PCDHGA12: variants seen among roughly 807,000 people sequenced by gnomAD.
The protein encoded by PCDHGA12 is protocadherin gamma subfamily A, 12.
A neutral mutation model predicts 61.1 loss-of-function variants in PCDHGA12; 43 were observed. The ratio of observed to expected loss-of-function variants is 0.70; its 90% CI spans 0.55 to 0.91. The LOEUF (loss-of-function observed/expected upper bound fraction) is 0.91. Among genes scored for constraint, PCDHGA12 ranks in the 40% least tolerant of loss-of-function variants. The probability of loss-of-function intolerance (pLI) is 0.00; values close to 1 mark genes in which losing one functional copy is unlikely to be tolerated. For synonymous variants in PCDHGA12, 520 were observed against 542.9 expected (o/e 0.96, Z 0.59); for missense variants, 1,236 against 1,227.7 (o/e 1.01, Z -0.10).
At position 141,485,222 on chromosome 5, in the gene PCDHGA12, C is replaced by T; in HGVS notation, c.2425-9585C>T. On this transcript the variant is annotated intron_variant, in intron 1 of 3. Transcript: ENST00000252085. The surrounding 1 kb of genome is among the most constrained non-coding windows in gnomAD (Gnocchi z 5.7). The stretch of plus-strand genomic sequence containing the variant: ...GACAGAAATCTGGCGGTGGGCTACC[C>T]TTTTGTTCCTCTTTTACCACCTGGG... 4 of 1,614,196 alleles carry T rather than the reference C, an allele frequency of 2.5e-6. No homozygotes were observed. Among genetic ancestry groups the T allele is most frequent in the Non-Finnish European group, 2.5e-6 (3 of 1,180,020 alleles).
intron 3 of PCDHGA12, among the ~76,000 whole-genome samples, chr5:141,509,336 GC>G (rs2099876304): frequency 6.6e-6 from 1 of 152,178 alleles, no homozygotes; most frequent in Non-Finnish European, 1.5e-5. Context: ...TGCCAGCTGG[GC>G]CTGGGCTGGC....
chr5:141,457,680 G>A lies in PCDHGA12; in HGVS notation c.2424+24497G>A, dbSNP rs866876250. 2.6e-5 allele frequency among the ~76,000 whole-genome samples: 4 copies of A among 152,290 alleles called. No individual in the cohort carries two copies. The South Asian group carries it at 8.3e-4, about 32-fold the overall frequency. On this transcript the variant is annotated intron_variant, in intron 1 of 3. Coordinates refer to ENST00000252085, the MANE Select transcript of PCDHGA12 (RefSeq NM_003735.3). The stretch of plus-strand genomic sequence containing the variant: ...AGCAAGAATGGTTATTTCTACATAG[G>A]ACTTTTGGATTGGCTTTGATGAAAC...
In PCDHGA12 at chr5:141,433,051, G is replaced by A. The variant is rs754102028; in HGVS notation, c.2292G>A (p.Arg764=). The A allele has an allele frequency of 1.8e-5, 29 of 1,614,066 alleles. No homozygotes were observed. In the East Asian group the frequency reaches 2.5e-4, roughly 14 times the overall value. The change falls in exon 1 of 4, where the codon CGG becomes CGA. Residue 764 remains arginine (R), a synonymous_variant. Transcript: ENST00000252085. ...AGGTTTCCCTCACCACGGACTCGCG[G>A]AAGAGTCACCTGATCTTCCCCCAGC... ...SHEVSLTTDS[R]KSHLIFPQPN...
At position 141,477,160 on chromosome 5, in the gene PCDHGA12, C is replaced by G. The variant is rs768436526; in HGVS notation, c.2425-17647C>G. 2 of 1,614,186 alleles carry G rather than the reference C, an allele frequency of 1.2e-6. No homozygotes were observed. Among genetic ancestry groups the G allele is most frequent in the Admixed American group, 1.7e-5 (1 of 60,020 alleles). On this transcript the variant is annotated intron_variant, in intron 1 of 3. Transcript: ENST00000252085. The surrounding 1 kb of genome is among the most constrained non-coding windows in gnomAD (Gnocchi z 4.9). ...TGGAGGTTGTGGATGTGAATGACAA[C>G]GCCCCGGAGATCACAGTCACCTCCG...
chr5:141,431,460 A>C lies in PCDHGA12; in HGVS notation c.701A>C (p.Asp234Ala), dbSNP rs761879594. The change falls in exon 1 of 4, where the codon GAT becomes GCT. Residue 234 changes from aspartate to alanine, a missense_variant. Physicochemically the swap from Asp to Ala is moderately radical, Grantham distance 126. Coordinates refer to ENST00000252085, the MANE Select transcript of PCDHGA12 (RefSeq NM_003735.3). This position sits in a 1 kb window ranked among gnomAD's most constrained non-coding sequence, Gnocchi z 4.8. ...GCGCGCATCCGCGTGATGGTTCTGGATGCGAACGACAACGCACCAGCGTTT... is the reference window on the plus strand; with the variant it reads ...GCGCGCATCCGCGTGATGGTTCTGGCTGCGAACGACAACGCACCAGCGTTT... Reference protein sequence around the residue: ...GTARIRVMVLDANDNAPAFAQ... With the variant: ...GTARIRVMVLAANDNAPAFAQ... 8.1e-6 allele frequency: 13 copies of C among 1,613,676 alleles called. No individual in the cohort carries two copies. The highest frequency in any genetic ancestry group is 1.1e-5 in the Non-Finnish European group (13 of 1,179,984).
rs1449605701 is a variant in PCDHGA12 at position 141,485,191 on chromosome 5, A to C, written c.2425-9616A>C. ...CGGCAGCAATGCTCCGCAAGGTGAG[A>C]AGCTGGACAGAAATCTGGCGGTGGG... is the stretch of plus-strand genomic sequence containing the variant. On this transcript the variant is annotated intron_variant, in intron 1 of 3. Coordinates refer to ENST00000252085, the MANE Select transcript of PCDHGA12 (RefSeq NM_003735.3). This position sits in a 1 kb window ranked among gnomAD's most constrained non-coding sequence, Gnocchi z 5.7. The C allele has an allele frequency of 6.2e-7, 1 of 1,613,836 alleles. No individual in the cohort carries two copies. The highest frequency in any genetic ancestry group is 1.3e-5 in the African/African-American group (1 of 75,042).
Position 141,431,344 on chromosome 5 carries a change from G to T in PCDHGA12, c.585G>T (p.Val195=). The change falls in exon 1 of 4, where the codon GTG becomes GTT. Residue 195 remains valine, a synonymous_variant. Coordinates refer to ENST00000252085, the MANE Select transcript of PCDHGA12 (RefSeq NM_003735.3). This position sits in a 1 kb window ranked among gnomAD's most constrained non-coding sequence, Gnocchi z 4.8. ...ACGGTAGTAAGTACCCCGAATTGGT[G>T]CTGAAACGCGCCCTGGACCGCGAAG... ...GADGSKYPEL[V]LKRALDREEK... is the part of the protein sequence containing the mutation. 1 of 1,614,078 alleles carries T rather than the reference G, an allele frequency of 6.2e-7. No individual in the cohort carries two copies. The highest frequency in any genetic ancestry group is 1.3e-5 in the African/African-American group (1 of 75,068).
chr5:141,488,548 T>C (rs112676623), intron 1 of PCDHGA12, among the ~76,000 whole-genome samples: 2 of 152,318 alleles, frequency 1.3e-5, no homozygotes, highest in African/African-American at 4.8e-5. Flanking sequence ...CCATGTCAGC[T>C]GACATTGAGA....
At position 141,431,213 on chromosome 5, in the gene PCDHGA12, T is replaced by A; in HGVS notation, c.454T>A (p.Phe152Ile). 6.2e-7 allele frequency: 1 copy of A among 1,614,142 alleles called. No individual in the cohort carries two copies. The highest frequency in any genetic ancestry group is 8.5e-7 in the Non-Finnish European group (1 of 1,180,038). Residue 152 changes from phenylalanine to isoleucine, a missense_variant, in exon 1 of 4, where the codon TTC becomes ATC. Coordinates refer to ENST00000252085, the MANE Select transcript of PCDHGA12 (RefSeq NM_003735.3). The surrounding 1 kb of genome is among the most constrained non-coding windows in gnomAD (Gnocchi z 4.8). ...TGAAAATGCAGCCACTGAGATGCGG[T>A]TCCCTCTACCCCACGCCTGGGATCC... ...ISENAATEMRFPLPHAWDPDI... is the reference protein window; with the variant it reads ...ISENAATEMRIPLPHAWDPDI...
chr5:141,486,843 A>G lies in PCDHGA12; in HGVS notation c.2425-7964A>G, dbSNP rs1455684942. On this transcript the variant is annotated intron_variant, in intron 1 of 3. Coordinates refer to ENST00000252085, the MANE Select transcript of PCDHGA12 (RefSeq NM_003735.3). The surrounding 1 kb of genome is among the most constrained non-coding windows in gnomAD (Gnocchi z 5.0). ...GTAACAGTTCGTCTATTTGTGCTGG[A>G]CCTCAATGACAATGCTCCAGCTGTG... 6.2e-7 allele frequency: 1 copy of G among 1,614,214 alleles called. No homozygotes were observed. Among genetic ancestry groups the G allele is most frequent in the Admixed American group, 1.7e-5 (1 of 60,034 alleles).
chr5:141,433,812 G>A (rs535623556), intron 1 of PCDHGA12, among the ~76,000 whole-genome samples: 46 of 150,530 alleles, frequency 3.1e-4, no homozygotes, highest in African/African-American at 1.1e-3. Context: ...ACTCCAGCCT[G>A]GGCAACAAGA....
At chr5:141,483,323 G>A (rs2099579999) in intron 1 of PCDHGA12, among the ~76,000 whole-genome samples, 1 of 152,104 alleles carries the variant, frequency 6.6e-6, no homozygotes, top group Non-Finnish European at 1.5e-5. Flanking sequence ...GGGACTGGAG[G>A]CAAAGAGATC....
At chr5:141,500,252 A>G (rs2099798400) in intron 2 of PCDHGA12, among the ~76,000 whole-genome samples, 1 of 151,094 alleles carries the variant, frequency 6.6e-6, no homozygotes, top group East Asian at 1.9e-4. Flanking sequence ...TCTGTCACCC[A>G]GGCTGGACTG....
intron 1 of PCDHGA12, among the ~76,000 whole-genome samples, chr5:141,469,162 G>A (rs2099192596): frequency 6.6e-6 from 1 of 152,062 alleles, no homozygotes; most frequent in Admixed American, 6.6e-5. Flanking sequence ...TGTAGTCCCA[G>A]CTACTTGGGA....
Position 141,432,849 on chromosome 5 carries a change from T to G in PCDHGA12, c.2090T>G (p.Val697Gly). The G allele has an allele frequency of 1.2e-6, 2 of 1,614,194 alleles. No homozygotes were observed. The highest frequency in any genetic ancestry group is 2.2e-5 in the South Asian group (2 of 91,092). ...CTCACTCTGTACCTGGTGGTAGCGG[T>G]GGCCGCGGTCTCCTGCGTCTTCCTG... The part of the protein sequence containing the change: ...SDLTLYLVVA[V>G]AAVSCVFLAF... The change falls in exon 1 of 4, where the codon GTG becomes GGG. Residue 697 changes from valine to glycine, a missense_variant. Coordinates refer to ENST00000252085, the MANE Select transcript of PCDHGA12 (RefSeq NM_003735.3). This position sits in a 1 kb window ranked among gnomAD's most constrained non-coding sequence, Gnocchi z 6.0.
chr5:141,485,826 G>A lies in PCDHGA12; in HGVS notation c.2425-8981G>A. The A allele has an allele frequency of 6.2e-7, 1 of 1,614,070 alleles. No individual in the cohort carries two copies. Among genetic ancestry groups the A allele is most frequent in the South Asian group, 1.1e-5 (1 of 91,078 alleles). Reference sequence around the variant, plus strand: ...CTGGTGCTGACTGCTGTCGATGGAGGGAACCCGCCGAGATCTGGCACCGCA... The same window carrying A: ...CTGGTGCTGACTGCTGTCGATGGAGAGAACCCGCCGAGATCTGGCACCGCA... On this transcript the variant is annotated intron_variant, in intron 1 of 3. Transcript: ENST00000252085. The surrounding 1 kb of genome is among the most constrained non-coding windows in gnomAD (Gnocchi z 5.7).
chr5:141,465,312 A>G (rs2099100692), intron 1 of PCDHGA12, among the ~76,000 whole-genome samples: 1 of 152,314 alleles, frequency 6.6e-6, no homozygotes, highest in South Asian at 2.1e-4. Flanking sequence ...GAATTTAGCC[A>G]TGTCAATGCA....
At chr5:141,445,284 C>A (rs2098462533) in intron 1 of PCDHGA12, among the ~76,000 whole-genome samples, 1 of 152,178 alleles carries the variant, frequency 6.6e-6, no homozygotes, top group African/African-American at 2.4e-5. Flanking sequence ...TGCATAAGTT[C>A]AGGCTTCCAT....
Position 141,493,022 on chromosome 5 carries a change from G to C in PCDHGA12, c.2425-1785G>C, listed in dbSNP as rs1184742888. On this transcript the variant is annotated intron_variant, in intron 1 of 3. Transcript: ENST00000252085. This position sits in a 1 kb window ranked among gnomAD's most constrained non-coding sequence, Gnocchi z 4.3. Reference sequence around the variant, plus strand: ...GCTATAGGCTCTGCCAGATGCCAGGGTGCCCTTATGTGTGAGGAAACTACA... The same window carrying C: ...GCTATAGGCTCTGCCAGATGCCAGGCTGCCCTTATGTGTGAGGAAACTACA... Among the ~76,000 whole-genome samples the C allele has an allele frequency of 6.6e-6, 1 of 152,222 alleles. No individual in the cohort carries two copies. Among genetic ancestry groups the C allele is most frequent in the Non-Finnish European group, 1.5e-5 (1 of 68,040 alleles).
Sources: gnomAD v4.1 joint callset for allele counts (sites outside exome capture counted in the v4.1 genomes callset) on GRCh38, gnomAD v4.1.1 for gene constraint, Gnocchi (gnomAD v3.1) non-coding constraint, MANE v1.5 for transcripts, NCBI Gene and HGNC (gene_info 2026-07-23, HGNC 2026-07-21) for gene names.